Variants in PLCXD3 observed in about 807,000 individuals in gnomAD.
PLCXD3 encodes the protein PI-PLC X domain-containing protein 3.
In PLCXD3, 19 loss-of-function variants were observed where a neutral mutation model predicts 25.5. That is an observed-to-expected ratio of 0.75 (90% CI 0.52 to 1.09). The LOEUF (loss-of-function observed/expected upper bound fraction) is 1.09. Among genes scored for constraint, PLCXD3 ranks in the 50% least tolerant of loss-of-function variants. The pLI is 0.00. For missense variants in PLCXD3, 411 were observed against 388.1 expected, an observed-to-expected ratio of 1.06 and a Z score of -0.50; for synonymous variants, 174 against 137.6, an observed-to-expected ratio of 1.26 and a Z score of -1.85.
At chr5:41,434,259 C>T (rs1747183397) in intron 1 of PLCXD3, among the ~76,000 whole-genome samples, 1 of 152,240 alleles carries the variant, frequency 6.6e-6, no homozygotes, top group African/African-American at 2.4e-5. Flanking sequence ...GGCCAAGTCA[C>T]TTGACCTCTC....
At chr5:41,319,451 A>C (rs1743396436) in intron 2 of PLCXD3, among the ~76,000 whole-genome samples, 1 of 152,220 alleles carries the variant, frequency 6.6e-6, no homozygotes, top group Non-Finnish European at 1.5e-5. Context: ...ATTAATGATG[A>C]GAGGAATTTT....
intron 1 of PLCXD3, among the ~76,000 whole-genome samples, chr5:41,398,749 C>T (rs926148437): frequency 1.3e-5 from 2 of 151,862 alleles, no homozygotes; most frequent in Non-Finnish European, 1.5e-5. Context: ...TATGACAGAC[C>T]CACAGCTAGT....
rs996983157 is a variant in PLCXD3 at position 41,309,344 on chromosome 5, G to A, written c.*4273C>T. On this transcript the variant is annotated 3_prime_UTR_variant, in exon 3 of 3. Coordinates refer to ENST00000377801, the MANE Select transcript of PLCXD3 (RefSeq NM_001005473.3). ...TATGTAACACAGGAGCCACCAATAA[G>A]TTATGGCAGATATAGCATTTACACC... 6.5e-6 allele frequency: 1 copy of A among 152,690 alleles called. No homozygotes were observed. The highest frequency in any genetic ancestry group is 6.5e-5 in the Admixed American group (1 of 15,272). 9.5% of individuals were successfully genotyped at this position (152,690 alleles called of 1,614,324 possible). A position where few individuals can be genotyped will look rare whatever the true frequency, so the allele number is the denominator to read the frequency against.
intron 1 of PLCXD3, among the ~76,000 whole-genome samples, chr5:41,499,432 C>T (rs958785602): frequency 1.3e-5 from 2 of 151,612 alleles, no homozygotes; most frequent in Non-Finnish European, 3.0e-5. Flanking sequence ...TTGGAATAAA[C>T]TTAACAAAGG....
chr5:41,327,957 C>A (rs1743682647), intron 2 of PLCXD3, among the ~76,000 whole-genome samples: 1 of 152,186 alleles, frequency 6.6e-6, no homozygotes, highest in Non-Finnish European at 1.5e-5. Context: ...AGGCCTGAGC[C>A]ACTGTGCTTG....
intron 1 of PLCXD3, among the ~76,000 whole-genome samples, chr5:41,395,358 C>G (rs1355353407): frequency 2.0e-5 from 3 of 151,664 alleles, no homozygotes; most frequent in African/African-American, 7.3e-5. Context: ...GCTATAAGTG[C>G]CTACATCAAA....
intron 1 of PLCXD3, among the ~76,000 whole-genome samples, chr5:41,410,335 G>A (rs1746482143): frequency 6.6e-6 from 1 of 151,940 alleles, no homozygotes; most frequent in African/African-American, 2.4e-5. Flanking sequence ...AGTAGAGATG[G>A]GGTTTCACCA....
intron 1 of PLCXD3, among the ~76,000 whole-genome samples, chr5:41,418,655 C>T (rs777857148): frequency 2.6e-5 from 4 of 152,090 alleles, no homozygotes; most frequent in Admixed American, 1.3e-4. Context: ...CCACATTAAG[C>T]GGAGTAGTAT....
intron 1 of PLCXD3, among the ~76,000 whole-genome samples, chr5:41,464,637 C>A (rs1747970545): frequency 6.6e-6 from 1 of 151,978 alleles, no homozygotes; most frequent in African/African-American, 2.4e-5. Flanking sequence ...AAAGCTGTTT[C>A]TGTTTTTCCT....
intron 1 of PLCXD3, among the ~76,000 whole-genome samples, chr5:41,474,347 T>C (rs1181111174): frequency 6.6e-6 from 1 of 152,222 alleles, no homozygotes; most frequent in Non-Finnish European, 1.5e-5. Context: ...TCTGCATTCC[T>C]ACTGGGTGGC....
chr5:41,385,352 C>T (rs1218822510), intron 1 of PLCXD3, among the ~76,000 whole-genome samples: 1 of 152,054 alleles, frequency 6.6e-6, no homozygotes, highest in African/African-American at 2.4e-5. Flanking sequence ...AATGTTACTC[C>T]TCTGATGTTG....
At chr5:41,506,885 C>A (rs1045164406) in intron 1 of PLCXD3, among the ~76,000 whole-genome samples, 1 of 152,162 alleles carries the variant, frequency 6.6e-6, no homozygotes, top group African/African-American at 2.4e-5. Flanking sequence ...AACATGGATT[C>A]TTTCTGAGTT....
In PLCXD3 at chr5:41,341,727, G is replaced by C. The variant is rs558498146; in HGVS notation, c.813-27957C>G. On this transcript the variant is annotated intron_variant, in intron 2 of 2. Coordinates refer to ENST00000377801, the MANE Select transcript of PLCXD3 (RefSeq NM_001005473.3). Reference sequence around the variant, plus strand: ...GCAAGGCCATGGTAGAAAAAAAAAAGTTCTTATCACTTATTTTTACATCTC... The same window carrying C: ...GCAAGGCCATGGTAGAAAAAAAAAACTTCTTATCACTTATTTTTACATCTC... Among the ~76,000 whole-genome samples, 5 of 152,126 alleles carry C rather than the reference G, an allele frequency of 3.3e-5. No homozygotes were observed. In the East Asian group the frequency reaches 9.7e-4, roughly 29 times the overall value.
At chr5:41,419,152 G>GA (rs1229882498) in intron 1 of PLCXD3, among the ~76,000 whole-genome samples, 3 of 152,088 alleles carry the variant, frequency 2.0e-5, no homozygotes. Context: ...TAATGTTAAG[G>GA]AAAAATGCCT....
At chr5:41,460,270 C>A (rs553742300) in intron 1 of PLCXD3, among the ~76,000 whole-genome samples, 31 of 151,934 alleles carry the variant, frequency 2.0e-4, no homozygotes, top group African/African-American at 6.7e-4. Context: ...ATGGTGTTGG[C>A]TGAATTTTAA....
intron 1 of PLCXD3, among the ~76,000 whole-genome samples, chr5:41,488,635 C>T (rs1261753052): frequency 2.2e-5 from 3 of 135,012 alleles, no homozygotes; most frequent in East Asian, 2.1e-4. Flanking sequence ...CTGGTGTGAG[C>T]TGGTATCTCA....
Position 41,340,074 on chromosome 5 carries a change from T to C in PLCXD3, c.813-26304A>G, listed in dbSNP as rs550796710. On this transcript the variant is annotated intron_variant, in intron 2 of 2. Coordinates refer to ENST00000377801, the MANE Select transcript of PLCXD3 (RefSeq NM_001005473.3). Reference sequence around the variant, plus strand: ...ATCTCAGTTAACCTCTAAAGTTATATAGATTCACACCTACAATTGCATTAA... The same window carrying C: ...ATCTCAGTTAACCTCTAAAGTTATACAGATTCACACCTACAATTGCATTAA... Among the ~76,000 whole-genome samples the C allele has an allele frequency of 4.6e-5, 7 of 152,274 alleles. No homozygotes were observed. In the South Asian group the frequency reaches 1.0e-3, roughly 23 times the overall value.
intron 1 of PLCXD3, among the ~76,000 whole-genome samples, chr5:41,451,835 G>T (rs1747639462): frequency 2.6e-5 from 4 of 151,852 alleles, no homozygotes; most frequent in Admixed American, 2.6e-4. Context: ...AATATAATCA[G>T]CTGATTCACT....
chr5:41,379,097 GC>G (rs1001732415), intron 2 of PLCXD3, among the ~76,000 whole-genome samples: 3 of 152,010 alleles, frequency 2.0e-5, no homozygotes, highest in Non-Finnish European at 4.4e-5. Context: ...CTTGCATCAT[GC>G]CCAAAATGTA....
Sources: allele counts gnomAD v4.1 joint callset (sites outside exome capture counted in the v4.1 genomes callset), GRCh38; gene constraint gnomAD v4.1.1; transcripts MANE v1.5; gene names NCBI Gene and HGNC (gene_info 2026-07-23, HGNC 2026-07-21).